Variants in KIAA1217 observed in about 807,000 individuals in gnomAD.
KIAA1217 encodes the protein sickle tail protein homolog.
A neutral mutation model predicts 163.9 loss-of-function variants in KIAA1217; 88 were observed. That is an observed-to-expected ratio of 0.54 (90% confidence interval 0.45 to 0.64). The LOEUF (loss-of-function observed/expected upper bound fraction) is 0.64. Ranked by LOEUF, KIAA1217 falls within the 30% of genes least tolerant of loss-of-function variation. KIAA1217 has a pLI of 0.00. For synonymous variants in KIAA1217, 903 were observed against 923.1 expected (o/e 0.98, Z 0.39); for missense variants, 2,372 against 2,475.0 (o/e 0.96, Z 0.88).
chr10:23,815,904 T>G (rs1837294596), intron 1 of KIAA1217, among the ~76,000 whole-genome samples: 2 of 152,224 alleles, frequency 1.3e-5, no homozygotes, highest in African/African-American at 2.4e-5. Flanking sequence ...AGGGCAAAGT[T>G]TAAATTCTCC....
chr10:24,388,561 G>C (rs1466380287), intron 3 of KIAA1217, among the ~76,000 whole-genome samples: 1 of 152,072 alleles, frequency 6.6e-6, no homozygotes. Context: ...TGACAAATGG[G>C]ATCTAATTAA....
At chr10:24,299,559 T>C (rs1465011953) in intron 2 of KIAA1217, among the ~76,000 whole-genome samples, 2 of 152,098 alleles carry the variant, frequency 1.3e-5, no homozygotes, top group African/African-American at 4.8e-5. Context: ...CCACCACGCC[T>C]GGCTAATTTT....
chr10:24,275,412 G>T (rs986975954), intron 2 of KIAA1217, among the ~76,000 whole-genome samples: 8 of 152,182 alleles, frequency 5.3e-5, no homozygotes, highest in African/African-American at 1.9e-4. Context: ...CTTCCTTACA[G>T]TATGAAAACT....
chr10:24,177,940 C>T (rs1230229524), intron 2 of KIAA1217, among the ~76,000 whole-genome samples: 5 of 152,158 alleles, frequency 3.3e-5, no homozygotes, highest in African/African-American at 1.2e-4. Context: ...TTGCTGGATC[C>T]TTTATCTAAT....
At chr10:24,480,867 T>C (rs1187587274) in intron 6 of KIAA1217, among the ~76,000 whole-genome samples, 1 of 152,128 alleles carries the variant, frequency 6.6e-6, no homozygotes, top group Non-Finnish European at 1.5e-5. Context: ...GTTTAGAGTA[T>C]CAAAACTGCT....
At chr10:24,405,098 G>A (rs1408833857) in intron 3 of KIAA1217, among the ~76,000 whole-genome samples, 1 of 152,086 alleles carries the variant, frequency 6.6e-6, no homozygotes, top group Non-Finnish European at 1.5e-5. Context: ...AAATCGTATA[G>A]AGCAACATAA....
At chr10:23,913,762 T>C (rs1311430003) in intron 1 of KIAA1217, among the ~76,000 whole-genome samples, 1 of 152,112 alleles carries the variant, frequency 6.6e-6, no homozygotes, top group Non-Finnish European at 1.5e-5. Context: ...TATGACTTGT[T>C]CTCTCCCTTT....
intron 1 of KIAA1217, among the ~76,000 whole-genome samples, chr10:23,706,904 T>C (rs1296363362): frequency 6.6e-6 from 1 of 152,142 alleles, no homozygotes. Flanking sequence ...ATAGATTCTA[T>C]AGTGGGCCAA....
intron 2 of KIAA1217, among the ~76,000 whole-genome samples, chr10:24,283,755 A>G (rs2078230692): frequency 6.6e-6 from 1 of 152,180 alleles, no homozygotes; most frequent in Non-Finnish European, 1.5e-5. Context: ...AATGAATGAG[A>G]GTTCCTGTTG....
chr10:24,141,225 A>AACCCCCCC (rs796365302), intron 2 of KIAA1217, among the ~76,000 whole-genome samples: 5 of 76,314 alleles, frequency 6.6e-5, no homozygotes, highest in Non-Finnish European at 1.3e-4. Context: ...GAAAGAATAA[A>AACCCCCCC]CCCCCCCCCC....
At chr10:23,745,057 G>A (rs374950864) in intron 1 of KIAA1217, among the ~76,000 whole-genome samples, 1 of 152,150 alleles carries the variant, frequency 6.6e-6, no homozygotes, top group African/African-American at 2.4e-5. Flanking sequence ...TATATCTGGG[G>A]ACCATGGGCC....
chr10:24,188,510 T>G (rs2066549935), intron 2 of KIAA1217, among the ~76,000 whole-genome samples: 1 of 152,208 alleles, frequency 6.6e-6, no homozygotes, highest in South Asian at 2.1e-4. Context: ...CACACCTGAT[T>G]CAGTGATTAT....
intron 2 of KIAA1217, among the ~76,000 whole-genome samples, chr10:24,051,842 T>G (rs1391947872): frequency 6.6e-6 from 1 of 152,210 alleles, no homozygotes; most frequent in Non-Finnish European, 1.5e-5. Flanking sequence ...CCTTGTAGAT[T>G]CTGGATATCA....
At chr10:23,912,716 G>A (rs1318119092) in intron 1 of KIAA1217, among the ~76,000 whole-genome samples, 1 of 152,128 alleles carries the variant, frequency 6.6e-6, no homozygotes, top group African/African-American at 2.4e-5. Flanking sequence ...CTATGTGTGT[G>A]TTTCAAAGGT....
chr10:24,150,047 A>C (rs2064532208), intron 2 of KIAA1217, among the ~76,000 whole-genome samples: 1 of 152,052 alleles, frequency 6.6e-6, no homozygotes, highest in Non-Finnish European at 1.5e-5. Flanking sequence ...GATGGAGTTA[A>C]ACTTTTGTTG....
At chr10:24,189,449 AT>A (rs2066608472) in intron 2 of KIAA1217, among the ~76,000 whole-genome samples, 1 of 152,156 alleles carries the variant, frequency 6.6e-6, no homozygotes, top group Non-Finnish European at 1.5e-5. Context: ...ATAATTTAAA[AT>A]ATTTTTCTAT....
chr10:24,464,925 C>T (rs1242525865), intron 5 of KIAA1217, among the ~76,000 whole-genome samples: 1 of 152,164 alleles, frequency 6.6e-6, no homozygotes, highest in African/African-American at 2.4e-5. Context: ...GGACAAGCAA[C>T]CCTGCCCATA....
At chr10:24,053,928 A>G (rs1849697309) in intron 2 of KIAA1217, among the ~76,000 whole-genome samples, 1 of 152,214 alleles carries the variant, frequency 6.6e-6, no homozygotes, top group Admixed American at 6.5e-5. Context: ...AGGAAACAGC[A>G]AAGTAGACCT....
chr10:24,028,071 C>T (rs887555823), intron 2 of KIAA1217, among the ~76,000 whole-genome samples: 1 of 152,064 alleles, frequency 6.6e-6, no homozygotes, highest in African/African-American at 2.4e-5. Flanking sequence ...CATATATTTG[C>T]TATTTTTATT....
Sources: gnomAD v4.1 joint callset for allele counts (sites outside exome capture counted in the v4.1 genomes callset) on GRCh38, gnomAD v4.1.1 for gene constraint, MANE v1.5 for transcripts, NCBI Gene and HGNC (gene_info 2026-07-23, HGNC 2026-07-21) for gene names.